The following ASAP1 variants were observed in gnomAD, a reference collection of about 807,000 sequenced individuals.
ASAP1 encodes the protein ArfGAP with SH3 domain, ankyrin repeat and PH domain 1.
ASAP1 carries 43 observed loss-of-function variants against 145.2 expected under a neutral mutation model. That is an observed-to-expected ratio of 0.30 (90% CI 0.23 to 0.38). The LOEUF (loss-of-function observed/expected upper bound fraction) is 0.38. Ranked by LOEUF, ASAP1 falls within the 10% of genes least tolerant of loss-of-function variation. The pLI is 1.00. For missense variants in ASAP1, 1,018 were observed against 1,355.3 expected (o/e 0.75, Z 3.91); for synonymous variants, 546 against 515.5 (o/e 1.06, Z -0.80).
chr8:130,056,410 A>G (rs2097404308), intron 29 of ASAP1, among the ~76,000 whole-genome samples: 1 of 152,208 alleles, frequency 6.6e-6, no homozygotes, highest in Non-Finnish European at 1.5e-5. Context: ...TGCTACTGGC[A>G]TCCTTGCTTG....
intron 5 of ASAP1, chr8:130,208,740 G>C (rs763948623): frequency 3.3e-5 from 5 of 152,150 alleles, no homozygotes; most frequent in Non-Finnish European, 7.4e-5. Context: ...TGAGGATGAA[G>C]GCTGATCTGC....
rs1378253611 is a variant in ASAP1 at position 130,116,821 on chromosome 8, ACAATGTACCATG to A, written c.1996+47_1996+58del. The A allele has an allele frequency of 1.6e-4, 253 of 1,575,022 alleles. 5 individuals carry two copies. In the East Asian group the frequency reaches 3.2e-3, roughly 20 times the overall value. ...GAAGGCAAGGAACAATAATCAAATT[ACAATGTACCATG>A]CAACACACGCTTACTACAGTCATGA... On this transcript the variant is annotated intron_variant, in intron 21 of 29. Coordinates refer to ENST00000518721, the MANE Select transcript of ASAP1 (RefSeq NM_018482.4).
chr8:130,172,614 T>G (rs747579806), intron 9 of ASAP1, among the ~76,000 whole-genome samples: 31 of 152,300 alleles, frequency 2.0e-4, no homozygotes, highest in Non-Finnish European at 4.3e-4. Flanking sequence ...ATATTTCAAG[T>G]GCTTGGTAGC....
intron 5 of ASAP1, among the ~76,000 whole-genome samples, chr8:130,190,741 C>G (rs2136240889): frequency 6.6e-6 from 1 of 152,300 alleles, no homozygotes; most frequent in South Asian, 2.1e-4. Flanking sequence ...TGGTCTCAAA[C>G]TCCTGACCTT....
chr8:130,413,628 C>G (rs1390812800), intron 1 of ASAP1, among the ~76,000 whole-genome samples: 1 of 152,156 alleles, frequency 6.6e-6, no homozygotes, highest in East Asian at 1.9e-4. Context: ...AAATGAGGAG[C>G]CTGAATCATC....
At chr8:130,245,726 A>G (rs1402364979) in intron 3 of ASAP1, among the ~76,000 whole-genome samples, 2 of 152,230 alleles carry the variant, frequency 1.3e-5, no homozygotes, top group Non-Finnish European at 2.9e-5. Flanking sequence ...TCTGTCAAAT[A>G]AATCTGCCTC....
At chr8:130,323,318 T>G (rs1824128716) in intron 3 of ASAP1, among the ~76,000 whole-genome samples, 1 of 152,206 alleles carries the variant, frequency 6.6e-6, no homozygotes, top group Non-Finnish European at 1.5e-5. Context: ...CTCTTGATGT[T>G]TTTAAACACT....
chr8:130,126,298 T>G (rs546673261), intron 16 of ASAP1, among the ~76,000 whole-genome samples: 2 of 152,336 alleles, frequency 1.3e-5, no homozygotes, highest in South Asian at 4.1e-4. Context: ...AAGCACTTTA[T>G]CCTTGTGAAA....
intron 3 of ASAP1, among the ~76,000 whole-genome samples, chr8:130,268,346 G>A (rs1820383807): frequency 1.3e-5 from 2 of 151,934 alleles, no homozygotes; most frequent in Admixed American, 1.3e-4. Flanking sequence ...AATTAGCCAG[G>A]TGTGATAGTG....
intron 24 of ASAP1, among the ~76,000 whole-genome samples, chr8:130,101,804 C>T (rs868354882): frequency 7.1e-6 from 1 of 139,902 alleles, no homozygotes; most frequent in Non-Finnish European, 1.5e-5. Context: ...AACTCCTAAG[C>T]TCAAGCAATG....
intron 7 of ASAP1, among the ~76,000 whole-genome samples, chr8:130,186,918 A>G (rs965292250): frequency 2.0e-5 from 3 of 152,212 alleles, no homozygotes; most frequent in African/African-American, 7.2e-5. Flanking sequence ...TAAATGGTCC[A>G]TAATTACATG....
chr8:130,101,940 T>C (rs2097529565), intron 24 of ASAP1, among the ~76,000 whole-genome samples: 1 of 151,992 alleles, frequency 6.6e-6, no homozygotes, highest in Non-Finnish European at 1.5e-5. Flanking sequence ...TGTATGTTGA[T>C]TTTGTATCCT....
chr8:130,107,060 C>T (rs75720039), intron 24 of ASAP1, among the ~76,000 whole-genome samples: 4,872 of 152,204 alleles, frequency 0.032, 90 homozygotes, highest in Middle Eastern at 0.071. Context: ...AGGTAGACAC[C>T]TAATCCTTAT....
intron 10 of ASAP1, among the ~76,000 whole-genome samples, chr8:130,168,599 A>G (rs1376158742): frequency 1.3e-5 from 2 of 152,188 alleles, no homozygotes; most frequent in Non-Finnish European, 1.5e-5. Context: ...AACAAAAACA[A>G]AAACAGAAAC....
chr8:130,167,314 GAA>G (rs78363913), intron 11 of ASAP1: 4,664 of 501,028 alleles, frequency 9.3e-3, no homozygotes, highest in East Asian at 0.018. Context: ...AAAGAAAAAA[GAA>G]AAAAAAAAAA....
chr8:130,206,254 TAA>T (rs988895102), intron 5 of ASAP1, among the ~76,000 whole-genome samples: 1 of 152,240 alleles, frequency 6.6e-6, no homozygotes, highest in African/African-American at 2.4e-5. Context: ...ACCATTTTTT[TAA>T]AAGATAAGGT....
intron 11 of ASAP1, 154 bp downstream of exon 11, chr8:130,167,382 A>G (rs2097682076): frequency 1.3e-6 from 1 of 785,296 alleles, no homozygotes. Flanking sequence ...AAGGAAAAGG[A>G]ACTAAAATAC....
At chr8:130,147,107 G>C (rs2097633058) in intron 13 of ASAP1, among the ~76,000 whole-genome samples, 1 of 142,032 alleles carries the variant, frequency 7.0e-6, no homozygotes, top group Non-Finnish European at 1.5e-5. Flanking sequence ...CATGCCTGTA[G>C]TCCCAGCTAC....
intron 1 of ASAP1, among the ~76,000 whole-genome samples, chr8:130,426,412 GAA>G (rs56287696): frequency 1.4e-5 from 2 of 138,900 alleles, no homozygotes; most frequent in Non-Finnish European, 1.6e-5. Context: ...CACTGGTTAG[GAA>G]AAAAAAAAAA....
Sources: allele counts gnomAD v4.1 joint callset (sites outside exome capture counted in the v4.1 genomes callset), GRCh38; gene constraint gnomAD v4.1.1; transcripts MANE v1.5; gene names NCBI Gene and HGNC (gene_info 2026-07-23, HGNC 2026-07-21).